RALGPS1: variants seen among roughly 807,000 people sequenced by gnomAD.
RALGPS1 encodes Ral GEF with PH domain and SH3 binding motif 1, also known as ras-specific guanine nucleotide-releasing factor RalGPS1.
Under a neutral mutation model 78.8 loss-of-function variants are expected in RALGPS1, and 19 were observed. The observed-to-expected ratio is 0.24, with a 90% CI of 0.17 to 0.35. The LOEUF (loss-of-function observed/expected upper bound fraction) is 0.35, where lower values mean the gene tolerates loss of function less well. Among genes scored for constraint, RALGPS1 ranks in the 10% least tolerant of loss-of-function variants. The pLI is 1.00. For missense variants in RALGPS1, 454 were observed against 688.3 expected (o/e 0.66, Z 3.81); for synonymous variants, 228 against 256.3 (o/e 0.89, Z 1.06).
chr9:127,216,551 A>C (rs534246866), intron 18 of RALGPS1, among the ~76,000 whole-genome samples: 1 of 152,328 alleles, frequency 6.6e-6, no homozygotes, highest in East Asian at 1.9e-4. Flanking sequence ...TCAGGGCAAA[A>C]ACATTTGGAA....
chr9:126,946,240 A>G (rs1157504269), intron 1 of RALGPS1, among the ~76,000 whole-genome samples: 1 of 152,082 alleles, frequency 6.6e-6, no homozygotes, highest in Non-Finnish European at 1.5e-5. Context: ...TGTTCCCTGG[A>G]TCCTGATTAA....
intron 13 of RALGPS1, among the ~76,000 whole-genome samples, chr9:127,197,765 T>C (rs970565461): frequency 2.6e-5 from 4 of 152,126 alleles, no homozygotes; most frequent in Admixed American, 6.5e-5. Context: ...TTCCAGGTCA[T>C]GCATGGGGAA....
intron 7 of RALGPS1, among the ~76,000 whole-genome samples, chr9:127,055,200 T>TTTTA (rs2048634565): frequency 8.4e-6 from 1 of 118,590 alleles, no homozygotes; most frequent in South Asian, 3.1e-4. Flanking sequence ...TAAATGCTTT[T>TTTTA]TCTATCTATC....
chr9:127,038,930 G>A (rs1251303233), intron 5 of RALGPS1, among the ~76,000 whole-genome samples: 2 of 152,124 alleles, frequency 1.3e-5, no homozygotes, highest in African/African-American at 2.4e-5. Flanking sequence ...AGTAAAAGAG[G>A]GTCCTCTTTT....
At chr9:127,144,687 C>T (rs758970484) in intron 8 of RALGPS1, among the ~76,000 whole-genome samples, 19 of 152,200 alleles carry the variant, frequency 1.2e-4, no homozygotes, top group Non-Finnish European at 2.4e-4. Context: ...AGTGAAGTAC[C>T]GATCCATGCT....
At chr9:127,069,116 C>A (rs771669929) in intron 7 of RALGPS1, 114 bp from the exon 8 acceptor site, 2 of 1,042,148 alleles carry the variant, frequency 1.9e-6, no homozygotes, top group African/African-American at 1.6e-5. Context: ...GTCCAGGATT[C>A]GGCACACCAT....
chr9:127,105,273 C>G (rs975872482), intron 8 of RALGPS1, among the ~76,000 whole-genome samples: 1 of 152,188 alleles, frequency 6.6e-6, no homozygotes, highest in Non-Finnish European at 1.5e-5. Flanking sequence ...AAATCACTGC[C>G]ATTCCCTCCC....
intron 8 of RALGPS1, among the ~76,000 whole-genome samples, chr9:127,136,018 G>A (rs1371821388): frequency 6.6e-6 from 1 of 152,196 alleles, no homozygotes; most frequent in African/African-American, 2.4e-5. Context: ...TAGCATAGTC[G>A]GGGAGTGGGT....
At chr9:127,037,138 C>A (rs1048487103) in intron 5 of RALGPS1, among the ~76,000 whole-genome samples, 1 of 152,162 alleles carries the variant, frequency 6.6e-6, no homozygotes, top group Non-Finnish European at 1.5e-5. Flanking sequence ...AACGGGTCAC[C>A]CCAGTGCTTG....
intron 11 of RALGPS1, chr9:127,184,397 C>T (rs774488836): frequency 5.9e-5 from 17 of 290,416 alleles, no homozygotes; most frequent in Non-Finnish European, 8.7e-5. Context: ...AGCGAGAACT[C>T]GTGAGAGCTG....
At chr9:127,031,900 G>T (rs1423569279) in intron 4 of RALGPS1, among the ~76,000 whole-genome samples, 1 of 152,188 alleles carries the variant, frequency 6.6e-6, no homozygotes, top group Non-Finnish European at 1.5e-5. Flanking sequence ...TAGGGAAGAT[G>T]TATTAAGTAC....
chr9:126,996,834 A>G (rs1008608971), intron 4 of RALGPS1, among the ~76,000 whole-genome samples: 50 of 152,352 alleles, frequency 3.3e-4, no homozygotes, highest in East Asian at 1.3e-3. Context: ...CTTATCCACC[A>G]TGATCAAGTG....
chr9:127,043,107 A>G (rs1294240011), intron 5 of RALGPS1, among the ~76,000 whole-genome samples: 2 of 152,230 alleles, frequency 1.3e-5, no homozygotes, highest in East Asian at 1.9e-4. Context: ...AACTTGATCA[A>G]TAGATCCAGT....
At chr9:127,031,659 A>C (rs760476185) in intron 4 of RALGPS1, among the ~76,000 whole-genome samples, 2 of 152,250 alleles carry the variant, frequency 1.3e-5, no homozygotes, top group Non-Finnish European at 2.9e-5. Flanking sequence ...TTTCCCAGGA[A>C]ATAAGTGACA....
chr9:127,090,169 T>C (rs1322071976), intron 8 of RALGPS1, among the ~76,000 whole-genome samples: 2 of 152,202 alleles, frequency 1.3e-5, no homozygotes, highest in African/African-American at 4.8e-5. Flanking sequence ...GGGCACGCCA[T>C]AACCAGCCTC....
At chr9:126,982,840 C>CTT (rs1554774354) in intron 4 of RALGPS1, among the ~76,000 whole-genome samples, 3 of 121,628 alleles carry the variant, frequency 2.5e-5, no homozygotes, top group Non-Finnish European at 5.7e-5. Flanking sequence ...TCTTCTTCTT[C>CTT]CTTCTTTCTT....
At chr9:127,077,802 C>G (rs1468932132) in intron 8 of RALGPS1, among the ~76,000 whole-genome samples, 5 of 152,196 alleles carry the variant, frequency 3.3e-5, no homozygotes, top group Non-Finnish European at 7.3e-5. Context: ...CTGCCTGGCC[C>G]CAGACTTCTG....
chr9:126,953,183 A>G (rs560593922), intron 1 of RALGPS1, among the ~76,000 whole-genome samples: 96 of 152,276 alleles, frequency 6.3e-4, no homozygotes, highest in African/African-American at 2.3e-3. Context: ...TTCCCTCTTC[A>G]GGAGTCCCCC....
At chr9:127,194,086 C>T (rs1352021754) in intron 11 of RALGPS1, among the ~76,000 whole-genome samples, 1 of 152,164 alleles carries the variant, frequency 6.6e-6, no homozygotes, top group Non-Finnish European at 1.5e-5. Context: ...ACCTGTTAGC[C>T]CCATGACTGG....
Sources: gnomAD v4.1 joint callset for allele counts (sites outside exome capture counted in the v4.1 genomes callset) on GRCh38, gnomAD v4.1.1 for gene constraint, MANE v1.5 for transcripts, NCBI Gene and HGNC (gene_info 2026-07-23, HGNC 2026-07-21) for gene names.